Variants in PDGFRA observed in about 807,000 individuals in gnomAD.
PDGFRA encodes platelet derived growth factor receptor alpha.
In PDGFRA, 25 loss-of-function variants were observed where a neutral mutation model predicts 121.5. The observed-to-expected ratio is 0.21, with a 90% CI of 0.15 to 0.29. The LOEUF (loss-of-function observed/expected upper bound fraction) is 0.29. Ranked by LOEUF, PDGFRA falls within the 10% of genes least tolerant of loss-of-function variation. The pLI, the probability that PDGFRA is intolerant of heterozygous loss-of-function variation, is 1.00. For synonymous variants in PDGFRA, 463 were observed against 494.8 expected (o/e 0.94, Z 0.85); for missense variants, 1,008 against 1,345.1 (o/e 0.75, Z 3.92).
intron 1 of PDGFRA, among the ~76,000 whole-genome samples, chr4:54,235,125 G>A (rs1345146850): frequency 2.0e-5 from 3 of 152,208 alleles, no homozygotes; most frequent in Non-Finnish European, 4.4e-5. Flanking sequence ...TTAGGAGACT[G>A]CGTAGAAAAA....
At position 54,277,973 on chromosome 4, in the gene PDGFRA, A is replaced by C; in HGVS notation, c.1969A>C (p.Ile657Leu). 6.2e-7 allele frequency: 1 copy of C among 1,613,426 alleles called. No individual in the cohort carries two copies. The highest frequency in any genetic ancestry group is 8.5e-7 in the Non-Finnish European group (1 of 1,179,344). The stretch of plus-strand genomic sequence containing the variant: ...GACTCACCTGGGGCCACATTTGAAC[A>C]TTGTAAACTTGCTGGGAGCCTGCAC... ...IMTHLGPHLN[I>L]VNLLGACTKS... Residue 657 changes from isoleucine to leucine, a missense_variant, in exon 14 of 23, where the codon ATT (isoleucine) becomes CTT (leucine). Transcript: ENST00000257290.
chr4:54,240,658 C>G (rs1313341086), intron 1 of PDGFRA, among the ~76,000 whole-genome samples: 6 of 152,302 alleles, frequency 3.9e-5, no homozygotes, highest in African/African-American at 1.4e-4. Context: ...TGGGCTCTCC[C>G]TATACTTAGA....
At chr4:54,293,453 T>G (rs1374758984) in intron 22 of PDGFRA, among the ~76,000 whole-genome samples, 1 of 129,840 alleles carries the variant, frequency 7.7e-6, no homozygotes, top group East Asian at 2.3e-4. Context: ...TTTTTTGAGA[T>G]GGAGTCTCGC....
chr4:54,285,935 A>G lies in PDGFRA; in HGVS notation c.2534A>G (p.His845Arg), dbSNP rs777679907. 5 of 1,614,048 alleles carry G rather than the reference A, an allele frequency of 3.1e-6. No homozygotes were observed. The African/African-American group carries it at 4.0e-5, about 13-fold the overall frequency. Residue 845 changes from histidine (H) to arginine (R), a missense_variant, in exon 18 of 23, where the codon CAT becomes CGT. This residue lies in a region of PDGFRA where 40 missense variants were observed against 127.4 expected (regional missense o/e 0.31). Coordinates refer to ENST00000257290, the MANE Select transcript of PDGFRA (RefSeq NM_006206.6). ...CDFGLARDIM[H>R]DSNYVSKGST... is the part of the protein sequence containing the mutation. ...TTTGGCCTGGCCAGAGACATCATGC[A>G]TGATTCGAACTATGTGTCGAAAGGC... is the stretch of plus-strand genomic sequence containing the variant.
At chr4:54,250,631 T>C (rs1464666480) in intron 1 of PDGFRA, among the ~76,000 whole-genome samples, 2 of 152,240 alleles carry the variant, frequency 1.3e-5, no homozygotes, top group East Asian at 3.8e-4. Context: ...TCTTTGTCAA[T>C]TGCATCTTTA....
intron 22 of PDGFRA, among the ~76,000 whole-genome samples, chr4:54,290,759 A>T (rs1724589971): frequency 1.3e-5 from 2 of 152,152 alleles, no homozygotes; most frequent in Admixed American, 6.6e-5. Context: ...TGGGAGAGGG[A>T]TGTGCATGTT....
At position 54,289,815 on chromosome 4, in the gene PDGFRA, A is replaced by G. The variant is rs538111186; in HGVS notation, c.2881-498A>G. ...TTCACAGGTGAGGCAGTGAGGAGGCAGAAGGAAATTAACCCTCAGTTGGTC... is the reference window on the plus strand; with the variant it reads ...TTCACAGGTGAGGCAGTGAGGAGGCGGAAGGAAATTAACCCTCAGTTGGTC... On this transcript the variant is annotated intron_variant, in intron 21 of 22. Transcript: ENST00000257290. Among the ~76,000 whole-genome samples, 13 of 152,360 alleles carry G rather than the reference A, an allele frequency of 8.5e-5. No homozygotes were observed. The East Asian group carries it at 2.3e-3, about 27-fold the overall frequency.
chr4:54,245,631 G>A (rs1260751845), intron 1 of PDGFRA, among the ~76,000 whole-genome samples: 12 of 152,222 alleles, frequency 7.9e-5, no homozygotes, highest in African/African-American at 2.6e-4. Context: ...AAAGACCATT[G>A]AGGCTAGGAA....
chr4:54,267,506 T>A, intron 6 of PDGFRA, 46 bp downstream of exon 6: 2 of 1,613,648 alleles, frequency 1.2e-6, no homozygotes, highest in Non-Finnish European at 1.7e-6. Context: ...CTGCTCGGGA[T>A]CCATATGTGG....
chr4:54,281,412 G>A (rs988030374), intron 16 of PDGFRA, among the ~76,000 whole-genome samples: 1 of 152,210 alleles, frequency 6.6e-6, no homozygotes, highest in Non-Finnish European at 1.5e-5. Flanking sequence ...GTTTTGCAAA[G>A]CTCAGTACAC....
intron 1 of PDGFRA, among the ~76,000 whole-genome samples, chr4:54,231,949 G>T (rs765730693): frequency 1.3e-4 from 20 of 152,250 alleles, no homozygotes; most frequent in Middle Eastern, 6.4e-3. Context: ...CTGCAAACAC[G>T]TCTGGCGCCG....
intron 17 of PDGFRA, 99 bp downstream of exon 17, chr4:54,285,585 CAG>C: frequency 1.3e-6 from 1 of 758,278 alleles, no homozygotes; most frequent in Non-Finnish European, 2.4e-6. Context: ...CCATTAATAA[CAG>C]GGGCCTCTTA....
Position 54,295,929 on chromosome 4 carries a change from T to C in PDGFRA, c.*657T>C. 1 of 234,134 alleles carries C rather than the reference T, an allele frequency of 4.3e-6. No homozygotes were observed. The allele number at this position is 234,134 out of a possible 1,614,324, so 14.5% of individuals were successfully genotyped here. A position where few individuals can be genotyped will look rare whatever the true frequency, so the allele number is the denominator to read the frequency against. Reference sequence around the variant, plus strand: ...ATTTTCATATTGTAATCTATGTTTATAATACTACTACTGTTATCAGTAATG... The same window carrying C: ...ATTTTCATATTGTAATCTATGTTTACAATACTACTACTGTTATCAGTAATG... On this transcript the variant is annotated 3_prime_UTR_variant, in exon 23 of 23. Transcript: ENST00000257290.
chr4:54,276,094 C>T (rs747095708), intron 12 of PDGFRA, among the ~76,000 whole-genome samples: 2 of 152,100 alleles, frequency 1.3e-5, no homozygotes, highest in Non-Finnish European at 2.9e-5. Flanking sequence ...CAGCTGACAC[C>T]ACCCAGGTCA....
At chr4:54,250,836 A>C (rs1199145586) in intron 1 of PDGFRA, among the ~76,000 whole-genome samples, 1 of 152,136 alleles carries the variant, frequency 6.6e-6, no homozygotes, top group Non-Finnish European at 1.5e-5. Context: ...AGGCTGAGGC[A>C]GGCAGATCAC....
Position 54,296,427 on chromosome 4 carries a change from T to G in PDGFRA, c.*1155T>G, listed in dbSNP as rs1724888068. The G allele has an allele frequency of 8.6e-6, 2 of 232,892 alleles. No individual in the cohort carries two copies. The highest frequency in any genetic ancestry group is 1.1e-4 in the Admixed American group (2 of 17,766). The allele number at this position is 232,892 out of a possible 1,614,324, so 14.4% of individuals were successfully genotyped here. On this transcript the variant is annotated 3_prime_UTR_variant, in exon 23 of 23. Transcript: ENST00000257290. ...CTTTGGCGACCCCAATATATGTATT[T>G]TTTGAATCTATGAACCTGAAAAGGG... is the stretch of plus-strand genomic sequence containing the variant.
intron 3 of PDGFRA, among the ~76,000 whole-genome samples, chr4:54,261,931 ATT>A (rs34880395): frequency 0.025 from 1,447 of 58,060 alleles, 9 homozygotes; most frequent in Middle Eastern, 0.035. Flanking sequence ...ATATATATAT[ATT>A]TTTTTTTTTT....
chr4:54,294,621 C>T (rs2110357348), intron 22 of PDGFRA, among the ~76,000 whole-genome samples: 2 of 152,082 alleles, frequency 1.3e-5, no homozygotes, highest in African/African-American at 4.8e-5. Flanking sequence ...GTCACCTGGG[C>T]CCTCAAGTTG....
At chr4:54,258,696 C>A in intron 1 of PDGFRA, 61 bp from the exon 2 acceptor site, 2 of 990,266 alleles carry the variant, frequency 2.0e-6, no homozygotes, top group Non-Finnish European at 3.3e-6. Context: ...ACAAAGAGAA[C>A]TAGGCTCCAG....
Sources: allele counts gnomAD v4.1 joint callset (sites outside exome capture counted in the v4.1 genomes callset), GRCh38; gene constraint gnomAD v4.1.1; regional missense constraint gnomAD v4.1.1; transcripts MANE v1.5; gene names NCBI Gene and HGNC (gene_info 2026-07-23, HGNC 2026-07-21).